Variants in PTPRT observed in about 807,000 individuals in gnomAD.
PTPRT encodes receptor-type tyrosine-protein phosphatase T.
PTPRT carries 56 observed loss-of-function variants against 176.8 expected under a neutral mutation model. The observed-to-expected ratio is 0.32, with a 90% CI of 0.26 to 0.40. PTPRT has a LOEUF of 0.40. Ranked by LOEUF, PTPRT falls within the 10% of genes least tolerant of loss-of-function variation. PTPRT has a pLI of 1.00. For missense variants in PTPRT, 1,540 were observed against 1,908.2 expected (o/e 0.81, Z 3.60); for synonymous variants, 783 against 739.0 (o/e 1.06, Z -0.96).
chr20:42,843,849 C>A (rs2078322355), intron 2 of PTPRT, among the ~76,000 whole-genome samples: 1 of 152,202 alleles, frequency 6.6e-6, no homozygotes, highest in South Asian at 2.1e-4. Context: ...CCTTAAAAAG[C>A]ACATCACCTT....
At chr20:42,349,312 CCT>C (rs1252975345) in intron 11 of PTPRT, among the ~76,000 whole-genome samples, 1 of 152,168 alleles carries the variant, frequency 6.6e-6, no homozygotes, top group Non-Finnish European at 1.5e-5. Flanking sequence ...CTGGTTGCTC[CCT>C]GTTATAGCAT....
intron 1 of PTPRT, among the ~76,000 whole-genome samples, chr20:42,921,883 T>C (rs574612952): frequency 1.3e-5 from 2 of 152,280 alleles, no homozygotes; most frequent in East Asian, 1.9e-4. Context: ...GTTAACAGCA[T>C]TGATGGCTCC....
chr20:43,180,020 G>A (rs540667912), intron 1 of PTPRT, among the ~76,000 whole-genome samples: 13 of 152,312 alleles, frequency 8.5e-5, no homozygotes, highest in African/African-American at 3.1e-4. Context: ...ATTTGCACTG[G>A]TCAACTGAGT....
chr20:42,381,511 C>T (rs2058698233), intron 9 of PTPRT, among the ~76,000 whole-genome samples: 1 of 152,070 alleles, frequency 6.6e-6, no homozygotes, highest in Admixed American at 6.6e-5. Flanking sequence ...GATGTTTTAA[C>T]ATATAGTGTG....
intron 13 of PTPRT, among the ~76,000 whole-genome samples, chr20:42,264,163 A>G (rs1282159563): frequency 6.6e-6 from 1 of 152,182 alleles, no homozygotes; most frequent in Non-Finnish European, 1.5e-5. Context: ...ATCCCAGGAG[A>G]GAAAAAGGTG....
At chr20:42,908,900 T>C (rs1344089068) in intron 1 of PTPRT, among the ~76,000 whole-genome samples, 2 of 152,226 alleles carry the variant, frequency 1.3e-5, no homozygotes, top group Non-Finnish European at 2.9e-5. Flanking sequence ...CTCATGTTTA[T>C]AATCCCAGCA....
chr20:42,642,057 T>TACACCAGCAGTGTGCCTGTCC, intron 7 of PTPRT, among the ~76,000 whole-genome samples: 1 of 152,148 alleles, frequency 6.6e-6, no homozygotes, highest in East Asian at 1.9e-4. Context: ...CCAGACTGTT[T>TACACCAGCAGTGTGCCTGTCC]ACACCAGCAG....
intron 2 of PTPRT, among the ~76,000 whole-genome samples, chr20:42,875,166 G>T (rs1440276537): frequency 6.6e-6 from 1 of 152,188 alleles, no homozygotes; most frequent in African/African-American, 2.4e-5. Flanking sequence ...CATCTATGTG[G>T]ATATTAGCAC....
rs1282290559 is a variant in PTPRT at position 42,197,135 on chromosome 20, T to G, written c.2491+2105A>C. Among the ~76,000 whole-genome samples, 3 of 151,976 alleles carry G rather than the reference T, an allele frequency of 2.0e-5. No individual in the cohort carries two copies. In the South Asian group the frequency reaches 6.2e-4, roughly 32 times the overall value. On this transcript the variant is annotated intron_variant, in intron 16 of 30. Transcript: ENST00000373187. ...TGGCTCACGCCTGTAATCCCAGCAC[T>G]TTGGGAGGCCGAGGCGGGCGGATTA...
At chr20:42,838,820 T>C (rs979776135) in intron 2 of PTPRT, among the ~76,000 whole-genome samples, 6 of 152,170 alleles carry the variant, frequency 3.9e-5, no homozygotes, top group African/African-American at 1.4e-4. Context: ...GTGGCCATCA[T>C]TGGCTGCCCG....
intron 7 of PTPRT, among the ~76,000 whole-genome samples, chr20:42,668,858 A>ATTTTTT (rs755121515): frequency 0.017 from 1,343 of 81,202 alleles, 35 homozygotes; most frequent in Admixed American, 0.023. Flanking sequence ...CGCCCAGCTA[A>ATTTTTT]TTTTTTTTTT....
rs192192385 is a variant in PTPRT, at chr20:42,700,407, T to C, written c.860-22248A>G. On this transcript the variant is annotated intron_variant, in intron 6 of 30. Coordinates refer to ENST00000373187, the MANE Select transcript of PTPRT (RefSeq NM_007050.6). Reference sequence around the variant, plus strand: ...GTGGTATAAAAGGATCTGACATGGCTTAGGAAACAGACGCAGAGCGCCTCG... The same window carrying C: ...GTGGTATAAAAGGATCTGACATGGCCTAGGAAACAGACGCAGAGCGCCTCG... 9.4e-3 allele frequency among the ~76,000 whole-genome samples: 1,425 copies of C among 152,232 alleles called. 14 individuals carry two copies. The highest frequency in any genetic ancestry group is 0.027 in the Middle Eastern group (8 of 294).
At chr20:42,228,118 T>C (rs2056059448) in intron 15 of PTPRT, among the ~76,000 whole-genome samples, 1 of 152,246 alleles carries the variant, frequency 6.6e-6, no homozygotes, top group Non-Finnish European at 1.5e-5. Flanking sequence ...ACATCACTAA[T>C]ACCTGGTTGG....
At chr20:42,245,501 A>T (rs545513473) in intron 14 of PTPRT, among the ~76,000 whole-genome samples, 4 of 152,192 alleles carry the variant, frequency 2.6e-5, no homozygotes, top group African/African-American at 9.7e-5. Flanking sequence ...AAACAAAACC[A>T]GGCAACAACA....
intron 2 of PTPRT, among the ~76,000 whole-genome samples, chr20:42,824,726 G>T (rs996299845): frequency 6.6e-6 from 1 of 151,776 alleles, no homozygotes; most frequent in Admixed American, 6.6e-5. Flanking sequence ...ATCTCATTTG[G>T]GAATAGGGAA....
At chr20:42,434,487 C>T (rs979368237) in intron 9 of PTPRT, among the ~76,000 whole-genome samples, 1 of 152,010 alleles carries the variant, frequency 6.6e-6, no homozygotes, top group South Asian at 2.1e-4. Flanking sequence ...GTCACTGGAA[C>T]CTCATATAGT....
intron 14 of PTPRT, among the ~76,000 whole-genome samples, chr20:42,242,361 C>T: frequency 6.6e-6 from 1 of 152,256 alleles, no homozygotes; most frequent in East Asian, 1.9e-4. Context: ...AGGAAATTCT[C>T]AGTATTTGCA....
intron 2 of PTPRT, among the ~76,000 whole-genome samples, chr20:42,874,161 C>T (rs2078891739): frequency 1.3e-5 from 2 of 152,246 alleles, no homozygotes; most frequent in South Asian, 2.1e-4. Flanking sequence ...ACGTCTTCCT[C>T]TCCGGCTGCC....
At chr20:42,843,788 G>A (rs901702740) in intron 2 of PTPRT, among the ~76,000 whole-genome samples, 3 of 152,370 alleles carry the variant, frequency 2.0e-5, no homozygotes, top group East Asian at 3.9e-4. Flanking sequence ...ACATTCTAAT[G>A]AGAGGGAATT....
Sources: allele counts gnomAD v4.1 joint callset (sites outside exome capture counted in the v4.1 genomes callset), GRCh38; gene constraint gnomAD v4.1.1; transcripts MANE v1.5; gene names NCBI Gene and HGNC (gene_info 2026-07-23, HGNC 2026-07-21).